The following ELF5 variants were observed in gnomAD, a reference collection of about 807,000 sequenced individuals.
ELF5 encodes the protein ETS-related transcription factor Elf-5.
Under a neutral mutation model 38.2 loss-of-function variants are expected in ELF5, and 31 were observed. That is an observed-to-expected ratio of 0.81 (90% CI 0.61 to 1.10). The LOEUF is 1.10. Among genes scored for constraint, ELF5 ranks in the 50% least tolerant of loss-of-function variants. ELF5 has a pLI of 0.00. For missense variants in ELF5, 300 were observed against 306.6 expected, an observed-to-expected ratio of 0.98 and a Z score of 0.16; for synonymous variants, 121 against 112.5, an observed-to-expected ratio of 1.08 and a Z score of -0.48.
chr11:34,494,580 G>C (rs539207247), intron 2 of ELF5, among the ~76,000 whole-genome samples: 1 of 152,324 alleles, frequency 6.6e-6, no homozygotes, highest in East Asian at 1.9e-4. Flanking sequence ...AGTGCCATCT[G>C]TCTGGGAGGC....
rs191024562 is a variant in ELF5, at chr11:34,482,186, A to G, written c.475+245T>C. Among the ~76,000 whole-genome samples, 9 of 152,328 alleles carry G rather than the reference A, an allele frequency of 5.9e-5. No homozygotes were observed. In the East Asian group the frequency reaches 1.7e-3, roughly 29 times the overall value. The stretch of plus-strand genomic sequence containing the variant: ...GGTGTTCAATAGACATTTAATGGAT[A>G]ATTATTAGCTATGATTTGTTTAGCG... On this transcript the variant is annotated intron_variant, in intron 5 of 6. Transcript: ENST00000257832.
chr11:34,480,893 C>G lies in ELF5; in HGVS notation c.550G>C (p.Glu184Gln), dbSNP rs752473340. 5 of 1,614,152 alleles carry G rather than the reference C, an allele frequency of 3.1e-6. No homozygotes were observed. Among genetic ancestry groups the G allele is most frequent in the Non-Finnish European group, 4.2e-6 (5 of 1,180,044 alleles). ...LSPEENCGIL[E>Q]WEDREQGIFR... ...ATTCCTTGTTCCCTATCTTCCCATT[C>G]CAGAATGCCACAGTTTTCTTCAGGA... Residue 184 changes from glutamate (E) to glutamine (Q), a missense_variant, in exon 6 of 7, where the codon GAA (glutamate) becomes CAA (glutamine). By Grantham distance (29) the Glu-to-Gln change is conservative. Transcript: ENST00000257832.
At chr11:34,510,312 T>G (rs899642381) in intron 1 of ELF5, among the ~76,000 whole-genome samples, 3 of 91,656 alleles carry the variant, frequency 3.3e-5, no homozygotes, top group Non-Finnish European at 7.4e-5. Flanking sequence ...GAAAAAGGTG[T>G]TTTTTTTTTT....
intron 1 of ELF5, among the ~76,000 whole-genome samples, chr11:34,508,571 G>A (rs376260767): frequency 1.3e-5 from 2 of 152,026 alleles, no homozygotes; most frequent in Non-Finnish European, 2.9e-5. Flanking sequence ...TACATTTTAA[G>A]TGGTTATATA....
At chr11:34,487,893 C>T (rs1476744148) in intron 4 of ELF5, among the ~76,000 whole-genome samples, 1 of 152,108 alleles carries the variant, frequency 6.6e-6, no homozygotes, top group Non-Finnish European at 1.5e-5. Flanking sequence ...GGCTACTGTA[C>T]TGGCCAAGCT....
At chr11:34,490,755 C>A (rs1590327944) in intron 3 of ELF5, among the ~76,000 whole-genome samples, 1 of 152,306 alleles carries the variant, frequency 6.6e-6, no homozygotes, top group East Asian at 1.9e-4. Context: ...CTTGGTCCAA[C>A]ACGAGGACTA....
In ELF5 at chr11:34,502,481, G is replaced by A. The variant is rs371128972; in HGVS notation, c.121+3148C>T. On this transcript the variant is annotated intron_variant, in intron 2 of 6. Coordinates refer to ENST00000257832, the MANE Select transcript of ELF5 (RefSeq NM_001422.4). ...TGGCTGCACCTCTCTGGGTGGCAAC[G>A]TCCTTGTTGATAAAAGACAGAAGGC... Among the ~76,000 whole-genome samples, 101 of 152,358 alleles carry A rather than the reference G, an allele frequency of 6.6e-4. 2 individuals carry two copies. Among genetic ancestry groups the A allele is most frequent in the African/African-American group, 1.9e-3 (79 of 41,584 alleles).
chr11:34,501,300 A>G (rs1765237563), intron 2 of ELF5, among the ~76,000 whole-genome samples: 2 of 152,216 alleles, frequency 1.3e-5, no homozygotes, highest in South Asian at 4.1e-4. Flanking sequence ...AACCTCTGGG[A>G]AACCCCTAAA....
In ELF5 at chr11:34,480,206, G is replaced by C; in HGVS notation, c.*12C>G. 1.2e-6 allele frequency: 2 copies of C among 1,607,438 alleles called. No individual in the cohort carries two copies. The highest frequency in any genetic ancestry group is 1.7e-6 in the Non-Finnish European group (2 of 1,174,120). On this transcript the variant is annotated 3_prime_UTR_variant, in exon 7 of 7. Coordinates refer to ENST00000257832, the MANE Select transcript of ELF5 (RefSeq NM_001422.4). Reference sequence around the variant, plus strand: ...CAGAAATCCATAAAATGAGCTTGATGCCTGGAGCAGATCATAGCTTGTCTT... The same window carrying C: ...CAGAAATCCATAAAATGAGCTTGATCCCTGGAGCAGATCATAGCTTGTCTT...
chr11:34,508,811 C>T (rs1226839009), intron 1 of ELF5, among the ~76,000 whole-genome samples: 5 of 152,204 alleles, frequency 3.3e-5, no homozygotes, highest in Admixed American at 6.5e-5. Flanking sequence ...AGCTCAAGGT[C>T]ACATAGCCAG....
intron 2 of ELF5, among the ~76,000 whole-genome samples, chr11:34,502,806 A>T (rs771815052): frequency 1.3e-5 from 2 of 152,032 alleles, no homozygotes; most frequent in Non-Finnish European, 2.9e-5. Context: ...GTGGGAGGAG[A>T]AGGCTGTGTC....
chr11:34,511,904 C>T (rs747001390), intron 1 of ELF5: 39 of 335,774 alleles, frequency 1.2e-4, no homozygotes, highest in Non-Finnish European at 1.8e-4. Flanking sequence ...AGCATCTACA[C>T]ATTGGCTGTT....
At chr11:34,493,010 A>G (rs1010430271) in intron 3 of ELF5, 35 of 197,704 alleles carry the variant, frequency 1.8e-4, no homozygotes, top group African/African-American at 7.2e-4. Flanking sequence ...AAATAATGCT[A>G]TTGGCGCCAC....
At chr11:34,490,145 G>C (rs1175910014) in intron 3 of ELF5, 86 bp from the exon 4 acceptor site, 1 of 1,416,962 alleles carries the variant, frequency 7.1e-7, no homozygotes, top group South Asian at 1.2e-5. Context: ...TTGGAGGGAA[G>C]TGGAGTGACT....
intron 2 of ELF5, among the ~76,000 whole-genome samples, chr11:34,502,759 C>G (rs993845940): frequency 1.3e-5 from 2 of 152,148 alleles, no homozygotes; most frequent in Non-Finnish European, 2.9e-5. Context: ...TCACTGGCCG[C>G]ATGACTTGAT....
rs1856877178 is a variant in ELF5 at position 34,479,537 on chromosome 11, T to C, written c.*681A>G. ...TAAATCCAATTAAGTCCCAGCTTGA[T>C]GGCTTAGCTCTTTCATTAATTAAGA... On this transcript the variant is annotated 3_prime_UTR_variant, in exon 7 of 7. Transcript: ENST00000257832. 6.6e-6 allele frequency: 1 copy of C among 152,210 alleles called. No homozygotes were observed. Among genetic ancestry groups the C allele is most frequent in the Non-Finnish European group, 1.5e-5 (1 of 68,036 alleles). 9.4% of individuals were successfully genotyped at this position (152,210 alleles called of 1,614,324 possible).
Position 34,478,939 on chromosome 11 carries a change from T to C in ELF5, c.*1279A>G, listed in dbSNP as rs1856861976. 6.6e-6 allele frequency: 1 copy of C among 152,668 alleles called. No individual in the cohort carries two copies. Among genetic ancestry groups the C allele is most frequent in the Admixed American group, 6.5e-5 (1 of 15,274 alleles). 9.5% of individuals were successfully genotyped at this position (152,668 alleles called of 1,614,324 possible). A position where few individuals can be genotyped will look rare whatever the true frequency, so the allele number is the denominator to read the frequency against. On this transcript the variant is annotated 3_prime_UTR_variant, in exon 7 of 7. Transcript: ENST00000257832. ...AACTCTAATAAGGAGGTCTTCAGCC[T>C]GTACAGCGATTCAGTGCCTCACCAC... is the stretch of plus-strand genomic sequence containing the variant.
chr11:34,493,583 A>C lies in ELF5; in HGVS notation c.251T>G (p.Ile84Ser). ...CATGCTGCACAGCTGCAGGCCACTG[A>C]TGTTGAAGTTGCAGAAGGAGATGCA... ...TNCISFCNFN[I>S]SGLQLCSMTQ... The change falls in exon 3 of 7, where the codon ATC becomes AGC. Residue 84 changes from isoleucine to serine, a missense_variant. Transcript: ENST00000257832. 6.2e-7 allele frequency: 1 copy of C among 1,614,194 alleles called. No individual in the cohort carries two copies. The highest frequency in any genetic ancestry group is 8.5e-7 in the Non-Finnish European group (1 of 1,180,048).
chr11:34,489,370 T>C (rs1465551399), intron 4 of ELF5, among the ~76,000 whole-genome samples: 1 of 152,134 alleles, frequency 6.6e-6, no homozygotes, highest in Non-Finnish European at 1.5e-5. Flanking sequence ...CTGAAGCCCA[T>C]GGGGGAATGG....
Sources: allele counts gnomAD v4.1 joint callset (sites outside exome capture counted in the v4.1 genomes callset), GRCh38; gene constraint gnomAD v4.1.1; transcripts MANE v1.5; gene names NCBI Gene and HGNC (gene_info 2026-07-23, HGNC 2026-07-21).